Variants in ARID3A observed in about 807,000 individuals in gnomAD.
ARID3A encodes the protein AT-rich interactive domain-containing protein 3A.
In ARID3A, 11 loss-of-function variants were observed where a neutral mutation model predicts 52.7. The ratio of observed to expected loss-of-function variants is 0.21; its 90% confidence interval spans 0.13 to 0.35. The LOEUF (loss-of-function observed/expected upper bound fraction) is 0.35, where lower values mean the gene tolerates loss of function less well. Among genes scored for constraint, ARID3A ranks in the 10% least tolerant of loss-of-function variants. The pLI is 1.00. For synonymous variants in ARID3A, 404 were observed against 359.4 expected (o/e 1.12, Z -1.40); for missense variants, 721 against 838.5 (o/e 0.86, Z 1.73).
chr19:937,445 G>A (rs73507573), intron 3 of ARID3A, among the ~76,000 whole-genome samples: 14,354 of 152,150 alleles, frequency 0.094, 952 homozygotes, highest in African/African-American at 0.18. Context: ...GTGTTTGCCC[G>A]TTCCGCTGTT....
In ARID3A at chr19:929,405, C is replaced by T. The variant is rs1427385228; in HGVS notation, c.-124C>T. 1.7e-5 allele frequency: 19 copies of T among 1,095,596 alleles called. No individual in the cohort carries two copies. Among genetic ancestry groups the T allele is most frequent in the African/African-American group, 3.4e-5 (2 of 58,374 alleles). The allele number at this position is 1,095,596 out of a possible 1,614,324, so 67.9% of individuals were successfully genotyped here. On this transcript the variant is annotated 5_prime_UTR_variant, in exon 2 of 9. Coordinates refer to ENST00000263620, the MANE Select transcript of ARID3A (RefSeq NM_005224.3). This position sits in a 1 kb window ranked among gnomAD's most constrained non-coding sequence, Gnocchi z 6.2. ...CTGCCACCCTGCACTGCCCCGGCTC[C>T]CCCGCGGCCCCCACGCTGCAGTGCG...
At chr19:926,449 GC>G (rs530418693) in intron 1 of ARID3A, among the ~76,000 whole-genome samples, 2,308 of 149,600 alleles carry the variant, frequency 0.015, 25 homozygotes, top group Middle Eastern at 0.035. Flanking sequence ...GCGAGTGCGC[GC>G]CCCCCCCTCC....
chr19:931,467 A>C (rs1042344549), intron 2 of ARID3A, among the ~76,000 whole-genome samples: 9 of 151,008 alleles, frequency 6.0e-5, no homozygotes, highest in African/African-American at 1.9e-4. Flanking sequence ...AAAAAAAAAA[A>C]CAACCAAACA....
rs1224788453 is a variant in ARID3A, at chr19:944,565, C to T, written c.693+11823C>T. ...AAGTGAGCGTCCCCCACCCAGGACC[C>T]CCGACCCCGGCCCTGGGAGGGCCCG... On this transcript the variant is annotated intron_variant, in intron 3 of 8. Coordinates refer to ENST00000263620, the MANE Select transcript of ARID3A (RefSeq NM_005224.3). This position sits in a 1 kb window ranked among gnomAD's most constrained non-coding sequence, Gnocchi z 5.9. Among the ~76,000 whole-genome samples, 2 of 152,138 alleles carry T rather than the reference C, an allele frequency of 1.3e-5. No homozygotes were observed. The highest frequency in any genetic ancestry group is 2.4e-5 in the African/African-American group (1 of 41,422).
At chr19:945,957 AC>A (rs1325319132) in intron 3 of ARID3A, among the ~76,000 whole-genome samples, 2 of 151,928 alleles carry the variant, frequency 1.3e-5, no homozygotes, top group Non-Finnish European at 2.9e-5. Flanking sequence ...TCTGCAGGGA[AC>A]CCCAGGACGG....
In ARID3A at chr19:974,534, G is replaced by A. The variant is rs1004128821; in HGVS notation, c.*2469G>A. ...CTGCTGCCTATCTCTGTCTACCTCAGGTCTGACTTTTGATGCCAAAATCTG... is the reference window on the plus strand; with the variant it reads ...CTGCTGCCTATCTCTGTCTACCTCAAGTCTGACTTTTGATGCCAAAATCTG... On this transcript the variant is annotated 3_prime_UTR_variant, in exon 9 of 9. Coordinates refer to ENST00000263620, the MANE Select transcript of ARID3A (RefSeq NM_005224.3). 8.7e-6 allele frequency: 2 copies of A among 230,314 alleles called. No homozygotes were observed. The highest frequency in any genetic ancestry group is 4.4e-5 in the African/African-American group (2 of 45,104). 14.3% of individuals were successfully genotyped at this position (230,314 alleles called of 1,614,324 possible).
At chr19:950,384 T>A (rs1683572) in intron 3 of ARID3A, among the ~76,000 whole-genome samples, 1 of 53,216 alleles carries the variant, frequency 1.9e-5, no homozygotes, top group Non-Finnish European at 4.1e-5. Context: ...CCAGAGGGAA[T>A]GGATGGATGA....
At chr19:957,732 C>T (rs2037951624) in intron 3 of ARID3A, among the ~76,000 whole-genome samples, 1 of 152,000 alleles carries the variant, frequency 6.6e-6, no homozygotes, top group Non-Finnish European at 1.5e-5. Flanking sequence ...TGGTCCCAGC[C>T]ACTTGGGCAG....
At chr19:950,704 G>A (rs959204110) in intron 3 of ARID3A, among the ~76,000 whole-genome samples, 2 of 152,216 alleles carry the variant, frequency 1.3e-5, no homozygotes, top group Admixed American at 1.3e-4. Context: ...GACCTTGGAG[G>A]CTGCTGGAAG....
intron 3 of ARID3A, among the ~76,000 whole-genome samples, chr19:953,973 C>A (rs1165474436): frequency 6.6e-6 from 1 of 152,186 alleles, no homozygotes; most frequent in East Asian, 1.9e-4. Context: ...CTCAGGAGAC[C>A]GAGGTGGGAG....
At chr19:948,052 G>A (rs2037724974) in intron 3 of ARID3A, among the ~76,000 whole-genome samples, 1 of 152,158 alleles carries the variant, frequency 6.6e-6, no homozygotes, top group South Asian at 2.1e-4. Context: ...GCAGACGCTA[G>A]CTAAGTAAGC....
At position 958,523 on chromosome 19, in the gene ARID3A, C is replaced by T. The variant is rs753546388; in HGVS notation, c.694-1569C>T. Among the ~76,000 whole-genome samples, 68 of 151,950 alleles carry T rather than the reference C, an allele frequency of 4.5e-4. 1 individual carries two copies. Among genetic ancestry groups the T allele is most frequent in the Non-Finnish European group, 8.2e-4 (56 of 67,962 alleles). ...CCTGTGACAGGACCTCATTTGGAAACGGGGGAACTTACTGACATACAATCA... is the reference window on the plus strand; with the variant it reads ...CCTGTGACAGGACCTCATTTGGAAATGGGGGAACTTACTGACATACAATCA... On this transcript the variant is annotated intron_variant, in intron 3 of 8. Transcript: ENST00000263620.
rs528823249 is a variant in ARID3A, at chr19:974,482, G to C, written c.*2417G>C. 7.8e-5 allele frequency: 18 copies of C among 230,846 alleles called. No homozygotes were observed. The highest frequency in any genetic ancestry group is 4.5e-4 in the Admixed American group (8 of 17,730). The allele number at this position is 230,846 out of a possible 1,614,324, so 14.3% of individuals were successfully genotyped here. A position where few individuals can be genotyped will look rare whatever the true frequency, so the allele number is the denominator to read the frequency against. ...TCCTCTCCCGGGACCCCCGTCCCAC[G>C]CCTGGGCCCCGCGCCGGGGGAAGCG... On this transcript the variant is annotated 3_prime_UTR_variant, in exon 9 of 9. Coordinates refer to ENST00000263620, the MANE Select transcript of ARID3A (RefSeq NM_005224.3).
At chr19:930,725 G>A (rs1025280089) in intron 2 of ARID3A, among the ~76,000 whole-genome samples, 3 of 150,724 alleles carry the variant, frequency 2.0e-5, no homozygotes, top group Admixed American at 6.6e-5. Context: ...TAGCCAAGAT[G>A]GTCTCGATCT....
chr19:932,502 G>A lies in ARID3A; in HGVS notation c.453G>A (p.Glu151=). Residue 151 remains glutamate (E), a synonymous_variant, in exon 3 of 9, where the codon GAG becomes GAA. Coordinates refer to ENST00000263620, the MANE Select transcript of ARID3A (RefSeq NM_005224.3). ...AGGAGGAGGATTACGAGGATGAGGA[G>A]GAGGAGGAGGACGAGGAGGGGCTGG... is the stretch of plus-strand genomic sequence containing the variant. ...EEEEEDYEDE[E]EEEDEEGLGP... 1 of 1,555,594 alleles carries A rather than the reference G, an allele frequency of 6.4e-7. No homozygotes were observed. Among genetic ancestry groups the A allele is most frequent in the Non-Finnish European group, 8.6e-7 (1 of 1,156,320 alleles).
chr19:953,930 G>A (rs766515201), intron 3 of ARID3A, among the ~76,000 whole-genome samples: 9 of 152,172 alleles, frequency 5.9e-5, no homozygotes, highest in South Asian at 2.1e-4. Context: ...AAAATTAGCC[G>A]AGCGTGGTGG....
At position 944,415 on chromosome 19, in the gene ARID3A, C is replaced by T. The variant is rs1277995588; in HGVS notation, c.693+11673C>T. Among the ~76,000 whole-genome samples, 3 of 151,982 alleles carry T rather than the reference C, an allele frequency of 2.0e-5. No homozygotes were observed. The highest frequency in any genetic ancestry group is 4.8e-5 in the African/African-American group (2 of 41,352). On this transcript the variant is annotated intron_variant, in intron 3 of 8. Transcript: ENST00000263620. This position sits in a 1 kb window ranked among gnomAD's most constrained non-coding sequence, Gnocchi z 5.9. ...GTCTGGGTAGGAGTGTCGGTGGGGG[C>T]GGTCCCACACGGCCATGGTTTGTGT...
chr19:966,399 G>C (rs1159796402), intron 6 of ARID3A, among the ~76,000 whole-genome samples, 173 bp from the exon 7 acceptor site: 1 of 150,514 alleles, frequency 6.6e-6, no homozygotes, highest in Non-Finnish European at 1.5e-5. Context: ...CAGAGGTTGC[G>C]GTGAGCTGAG....
intron 3 of ARID3A, among the ~76,000 whole-genome samples, chr19:934,864 T>C (rs2037406948): frequency 6.6e-6 from 1 of 152,114 alleles, no homozygotes; most frequent in South Asian, 2.1e-4. Flanking sequence ...TCACTCAGCT[T>C]CCCAAAGTGC....
Sources: gnomAD v4.1 joint callset for allele counts (sites outside exome capture counted in the v4.1 genomes callset) on GRCh38, gnomAD v4.1.1 for gene constraint, Gnocchi (gnomAD v3.1) non-coding constraint, MANE v1.5 for transcripts, NCBI Gene and HGNC (gene_info 2026-07-23, HGNC 2026-07-21) for gene names.